The following PTPRR variants were observed in gnomAD, a reference collection of about 807,000 sequenced individuals.
PTPRR encodes the protein protein tyrosine phosphatase receptor type R, also known as receptor-type tyrosine-protein phosphatase R.
PTPRR carries 38 observed loss-of-function variants against 77.2 expected under a neutral mutation model. The ratio of observed to expected loss-of-function variants is 0.49; its 90% confidence interval spans 0.38 to 0.65. The LOEUF (loss-of-function observed/expected upper bound fraction) is 0.65. Among genes scored for constraint, PTPRR ranks in the 30% least tolerant of loss-of-function variants. PTPRR has a pLI of 0.00. For synonymous variants in PTPRR, 299 were observed against 283.1 expected, an observed-to-expected ratio of 1.06 and a Z score of -0.57; for missense variants, 744 against 799.2, an observed-to-expected ratio of 0.93 and a Z score of 0.83.
At chr12:70,830,435 G>A (rs1892192039) in intron 2 of PTPRR, among the ~76,000 whole-genome samples, 1 of 152,192 alleles carries the variant, frequency 6.6e-6, no homozygotes, top group Admixed American at 6.5e-5. Context: ...GGGCAAAGGA[G>A]TATGGTTAGC....
chr12:70,780,623 C>T (rs1041073695), intron 2 of PTPRR, among the ~76,000 whole-genome samples: 1 of 151,810 alleles, frequency 6.6e-6, no homozygotes, highest in Admixed American at 6.6e-5. Flanking sequence ...ATGCATATAC[C>T]TACACATATC....
chr12:70,873,546 G>T (rs998413452), intron 2 of PTPRR, among the ~76,000 whole-genome samples: 2 of 152,134 alleles, frequency 1.3e-5, no homozygotes, highest in African/African-American at 4.8e-5. Flanking sequence ...ACAATGCAAC[G>T]TCTTTAAGAG....
chr12:70,846,020 C>T (rs1892477900), intron 2 of PTPRR, among the ~76,000 whole-genome samples: 2 of 151,786 alleles, frequency 1.3e-5, no homozygotes, highest in Admixed American at 1.3e-4. Flanking sequence ...AAAATATAGA[C>T]CAAGAATGGA....
intron 10 of PTPRR, among the ~76,000 whole-genome samples, chr12:70,676,419 A>C: frequency 6.6e-6 from 1 of 151,990 alleles, no homozygotes; most frequent in East Asian, 1.9e-4. Flanking sequence ...AATTATTTAA[A>C]AGAGTAGCCT....
intron 8 of PTPRR, among the ~76,000 whole-genome samples, chr12:70,698,027 A>G (rs150144532): frequency 5.5e-4 from 84 of 152,262 alleles, no homozygotes; most frequent in African/African-American, 1.9e-3. Flanking sequence ...ATGCTGAGGT[A>G]AGGGTTAATG....
At chr12:70,817,296 TC>T (rs1313800066) in intron 2 of PTPRR, among the ~76,000 whole-genome samples, 1 of 152,200 alleles carries the variant, frequency 6.6e-6, no homozygotes, top group African/African-American at 2.4e-5. Context: ...GCAGACTTTT[TC>T]CTTTTTGTTG....
In PTPRR at chr12:70,708,697, ATAAT is replaced by A. The variant is rs542521785; in HGVS notation, c.1008-7378_1008-7375del. Among the ~76,000 whole-genome samples the A allele has an allele frequency of 1.5e-3, 226 of 152,012 alleles. No homozygotes were observed. In the Middle Eastern group the frequency reaches 0.017, roughly 11 times the overall value. On this transcript the variant is annotated intron_variant, in intron 6 of 13. Coordinates refer to ENST00000283228, the MANE Select transcript of PTPRR (RefSeq NM_002849.4). ...CCTAAGTTAATTTTTCCTAGTTTAT[ATAAT>A]TATTTAAGAAAAAGATGCTAAAAAA...
chr12:70,792,261 T>C (rs1439445699), intron 2 of PTPRR, among the ~76,000 whole-genome samples: 1 of 152,180 alleles, frequency 6.6e-6, no homozygotes, highest in Non-Finnish European at 1.5e-5. Flanking sequence ...AATGTTACCA[T>C]AAGATAGTTT....
At chr12:70,751,411 T>G (rs1890394444) in intron 5 of PTPRR, among the ~76,000 whole-genome samples, 1 of 151,990 alleles carries the variant, frequency 6.6e-6, no homozygotes, top group African/African-American at 2.4e-5. Context: ...TCCACAACTC[T>G]CCCCATCCTC....
intron 6 of PTPRR, among the ~76,000 whole-genome samples, chr12:70,718,322 A>G (rs1254046593): frequency 6.6e-6 from 1 of 151,834 alleles, no homozygotes; most frequent in Non-Finnish European, 1.5e-5. Context: ...TTGGAGTGCA[A>G]TAGCACGATC....
At chr12:70,807,712 G>A (rs1891735434) in intron 2 of PTPRR, among the ~76,000 whole-genome samples, 1 of 152,144 alleles carries the variant, frequency 6.6e-6, no homozygotes, top group Non-Finnish European at 1.5e-5. Flanking sequence ...AACATAATTT[G>A]TGAAGATTTC....
At position 70,766,419 on chromosome 12, in the gene PTPRR, G is replaced by A. The variant is rs1236205412; in HGVS notation, c.358-1641C>T. On this transcript the variant is annotated intron_variant, in intron 2 of 13. Coordinates refer to ENST00000283228, the MANE Select transcript of PTPRR (RefSeq NM_002849.4). ...AACTGGAAGAAAGGGTATCAGTGAT[G>A]GAAGATGAAATGAATGAAATTAAGC... 2.6e-5 allele frequency among the ~76,000 whole-genome samples: 4 copies of A among 152,230 alleles called. No homozygotes were observed. In the East Asian group the frequency reaches 5.8e-4, roughly 22 times the overall value.
intron 1 of PTPRR, 31 bp downstream of exon 1, chr12:70,920,302 A>C (rs1265147764): frequency 6.2e-7 from 1 of 1,604,106 alleles, no homozygotes; most frequent in East Asian, 2.2e-5. Flanking sequence ...TCTCATGCAC[A>C]GCTCCGGCTC....
rs189096851 is a variant in PTPRR, at chr12:70,755,286, C to T, written c.628-985G>A. Among the ~76,000 whole-genome samples the T allele has an allele frequency of 2.0e-3, 311 of 152,192 alleles. 6 individuals carry two copies. The highest frequency in any genetic ancestry group is 0.019 in the Admixed American group (292 of 15,288). On this transcript the variant is annotated intron_variant, in intron 4 of 13. Coordinates refer to ENST00000283228, the MANE Select transcript of PTPRR (RefSeq NM_002849.4). ...CTTTTTATTCCCTTTAGTGAGAGTA[C>T]ATGTCTGTCCTTGGTTATTGTTTCC...
intron 2 of PTPRR, among the ~76,000 whole-genome samples, chr12:70,807,811 G>A (rs1036308461): frequency 1.3e-5 from 2 of 152,090 alleles, no homozygotes; most frequent in African/African-American, 2.4e-5. Flanking sequence ...ATCTTCATAA[G>A]CTGAGGATGT....
At chr12:70,902,593 A>G (rs1433597372) in intron 1 of PTPRR, among the ~76,000 whole-genome samples, 2 of 151,868 alleles carry the variant, frequency 1.3e-5, no homozygotes, top group African/African-American at 4.8e-5. Flanking sequence ...AGCAACCTGG[A>G]TGGTATTGGA....
intron 5 of PTPRR, among the ~76,000 whole-genome samples, chr12:70,746,802 T>C (rs1009328916): frequency 5.9e-5 from 9 of 151,888 alleles, no homozygotes; most frequent in Admixed American, 5.9e-4. Flanking sequence ...GAAAAGACTA[T>C]GCACCTACGA....
At chr12:70,858,263 C>CT (rs1487640324) in intron 2 of PTPRR, among the ~76,000 whole-genome samples, 1 of 152,130 alleles carries the variant, frequency 6.6e-6, no homozygotes, top group East Asian at 1.9e-4. Flanking sequence ...TTTCTGCTCC[C>CT]TTTCCCCACT....
chr12:70,897,185 G>A (rs1893444180), intron 1 of PTPRR, among the ~76,000 whole-genome samples: 1 of 151,958 alleles, frequency 6.6e-6, no homozygotes, highest in Non-Finnish European at 1.5e-5. Context: ...CTTCTGCACA[G>A]CAAAAGAAAC....
Sources: gnomAD v4.1 joint callset for allele counts (sites outside exome capture counted in the v4.1 genomes callset) on GRCh38, gnomAD v4.1.1 for gene constraint, MANE v1.5 for transcripts, NCBI Gene and HGNC (gene_info 2026-07-23, HGNC 2026-07-21) for gene names.